The following SLIT3 variants were observed in gnomAD, a reference collection of about 807,000 sequenced individuals.
The protein encoded by SLIT3 is slit homolog 3 protein.
Under a neutral mutation model 184.0 loss-of-function variants are expected in SLIT3, and 68 were observed. The observed-to-expected ratio is 0.37, with a 90% confidence interval of 0.30 to 0.45. SLIT3 has a LOEUF of 0.45. SLIT3 is among the 20% of genes least tolerant of loss of function. The probability of loss-of-function intolerance (pLI) is 1.00; values close to 1 mark genes in which losing one functional copy is unlikely to be tolerated. For missense variants in SLIT3, 1,707 were observed against 2,026.0 expected (o/e 0.84, Z 3.02); for synonymous variants, 831 against 828.6 (o/e 1.00, Z -0.05).
intron 5 of SLIT3, among the ~76,000 whole-genome samples, chr5:168,882,948 C>T (rs1321883196): frequency 3.3e-5 from 5 of 152,192 alleles, no homozygotes; most frequent in African/African-American, 4.8e-5. Context: ...CACAAGGTTA[C>T]CATCCCCATT....
At chr5:168,817,584 G>T in intron 7 of SLIT3, 121 bp from the exon 8 acceptor site, 2 of 885,012 alleles carry the variant, frequency 2.3e-6, no homozygotes, top group Non-Finnish European at 1.7e-6. Flanking sequence ...ATCCCTAGGA[G>T]CCCAGGGAAG....
At chr5:168,990,452 CT>C (rs1755280715) in intron 4 of SLIT3, among the ~76,000 whole-genome samples, 1 of 152,216 alleles carries the variant, frequency 6.6e-6, no homozygotes, top group Non-Finnish European at 1.5e-5. Context: ...TCACCTCTCA[CT>C]CTACCTTTCA....
Position 168,777,960 on chromosome 5 carries a change from G to A in SLIT3, c.1152-3582C>T, listed in dbSNP as rs1423363410. 2.6e-5 allele frequency among the ~76,000 whole-genome samples: 4 copies of A among 152,182 alleles called. No homozygotes were observed. The East Asian group carries it at 7.7e-4, about 29-fold the overall frequency. ...AATTTTAAAAGCACCATATTATGGA[G>A]CAAATAGAGAGTAAACAAACATTTG... On this transcript the variant is annotated intron_variant, in intron 12 of 35. Coordinates refer to ENST00000519560, the MANE Select transcript of SLIT3 (RefSeq NM_003062.4).
chr5:169,033,753 A>G (rs1400195702), intron 4 of SLIT3, among the ~76,000 whole-genome samples: 1 of 149,410 alleles, frequency 6.7e-6, no homozygotes. Context: ...AGAAATGCCT[A>G]TTCAGGTCTT....
At chr5:168,964,235 G>A (rs1441806131) in intron 4 of SLIT3, among the ~76,000 whole-genome samples, 1 of 152,320 alleles carries the variant, frequency 6.6e-6, no homozygotes, top group East Asian at 1.9e-4. Flanking sequence ...CCAGTCATGG[G>A]AAAATATTAG....
At chr5:169,215,096 G>A (rs1399851658) in intron 3 of SLIT3, among the ~76,000 whole-genome samples, 1 of 152,076 alleles carries the variant, frequency 6.6e-6, no homozygotes, top group Non-Finnish European at 1.5e-5. Context: ...TTTCCTGCTG[G>A]AAATCCTTCA....
At position 169,300,669 on chromosome 5, in the gene SLIT3, G is replaced by C; in HGVS notation, c.41C>G (p.Ala14Gly). 2 of 1,411,394 alleles carry C rather than the reference G, an allele frequency of 1.4e-6. No homozygotes were observed. Among genetic ancestry groups the C allele is most frequent in the Non-Finnish European group, 1.8e-6 (2 of 1,091,172 alleles). 87.4% of individuals were successfully genotyped at this position (1,411,394 alleles called of 1,614,324 possible). A position where few individuals can be genotyped will look rare whatever the true frequency, so the allele number is the denominator to read the frequency against. The change falls in exon 1 of 36, where the codon GCC becomes GGC. Residue 14 changes from alanine (A) to glycine (G), a missense_variant. Around this residue, in one of 3 missense-constraint regions of SLIT3, gnomAD observed 1,307 missense variants for 1,511.6 expected, o/e 0.86. Coordinates refer to ENST00000519560, the MANE Select transcript of SLIT3 (RefSeq NM_003062.4). The surrounding 1 kb of genome is among the most constrained non-coding windows in gnomAD (Gnocchi z 4.1). ...CAGCGCCAAGGCCAGCGCCAGGCGG[G>C]CGCGCACGGCGGCGCCGACCCCTGC... Reference protein sequence around the residue: ...GWAGVGAAVRARLALALALAS... With the variant: ...GWAGVGAAVRGRLALALALAS...
intron 4 of SLIT3, among the ~76,000 whole-genome samples, chr5:168,969,149 G>A (rs914540325): frequency 2.0e-5 from 3 of 152,146 alleles, no homozygotes; most frequent in African/African-American, 4.8e-5. Flanking sequence ...ACAAAGTCAC[G>A]TGAGGAGTAA....
At chr5:168,795,126 G>C (rs977210988) in intron 10 of SLIT3, among the ~76,000 whole-genome samples, 8 of 152,134 alleles carry the variant, frequency 5.3e-5, no homozygotes, top group Non-Finnish European at 8.8e-5. Context: ...TGGTGACAGT[G>C]GTGTAGACAG....
chr5:168,975,893 C>T (rs1171925912), intron 4 of SLIT3, among the ~76,000 whole-genome samples: 1 of 152,188 alleles, frequency 6.6e-6, no homozygotes, highest in East Asian at 1.9e-4. Flanking sequence ...CCACCCATCT[C>T]CTGCAAGAGG....
At chr5:168,785,367 G>A (rs187196351) in intron 12 of SLIT3, among the ~76,000 whole-genome samples, 332 of 152,230 alleles carry the variant, frequency 2.2e-3, no homozygotes, top group African/African-American at 7.6e-3. Context: ...CTTAAAATTC[G>A]AAGCAACAAC....
intron 14 of SLIT3, among the ~76,000 whole-genome samples, chr5:168,766,716 C>T (rs1289821970): frequency 1.3e-5 from 2 of 152,310 alleles, no homozygotes; most frequent in South Asian, 2.1e-4. Context: ...GGGGCAGTGC[C>T]GAGGGCCTCA....
Position 168,760,878 on chromosome 5 carries a change from G to C in SLIT3, c.1669C>G (p.Pro557Ala). 1 of 1,613,490 alleles carries C rather than the reference G, an allele frequency of 6.2e-7. No individual in the cohort carries two copies. The highest frequency in any genetic ancestry group is 8.5e-7 in the Non-Finnish European group (1 of 1,179,458). ...TTGACTTACATTTTCCGCAGGTTGG[G>C]CAACTTCTTGAAGATGCCAGTGGCC... ...LEATGIFKKLPNLRKINLSNN... is the reference protein window; with the variant it reads ...LEATGIFKKLANLRKINLSNN... Residue 557 changes from proline (P) to alanine (A), a missense_variant, in exon 16 of 36, where the codon CCC (proline) becomes GCC (alanine). Around this residue, in one of 3 missense-constraint regions of SLIT3, gnomAD observed 1,307 missense variants for 1,511.6 expected, o/e 0.86. Transcript: ENST00000519560.
intron 4 of SLIT3, among the ~76,000 whole-genome samples, chr5:169,121,202 A>C (rs1040553261): frequency 1.3e-5 from 2 of 152,204 alleles, no homozygotes; most frequent in African/African-American, 4.8e-5. Flanking sequence ...TGTGGCCCAG[A>C]GCCTCACCTC....
chr5:169,271,130 G>A (rs56317696), intron 1 of SLIT3, among the ~76,000 whole-genome samples: 44,786 of 152,088 alleles, frequency 0.29, 7,628 homozygotes, highest in Non-Finnish European at 0.4. Context: ...CTGACTGTAG[G>A]TGATATGACA....
At chr5:168,871,809 T>C (rs1465309491) in intron 5 of SLIT3, among the ~76,000 whole-genome samples, 1 of 152,138 alleles carries the variant, frequency 6.6e-6, no homozygotes, top group African/African-American at 2.4e-5. Flanking sequence ...CCACTTAACA[T>C]ATGGGTTAAC....
chr5:168,854,543 G>A (rs1222954565), intron 5 of SLIT3, among the ~76,000 whole-genome samples: 2 of 152,240 alleles, frequency 1.3e-5, no homozygotes, highest in Admixed American at 6.5e-5. Context: ...AGATCACCTA[G>A]TAGGATCCAA....
chr5:169,051,634 A>T (rs1757817756), intron 4 of SLIT3, among the ~76,000 whole-genome samples: 1 of 152,136 alleles, frequency 6.6e-6, no homozygotes, highest in African/African-American at 2.4e-5. Flanking sequence ...TCTGATTTAA[A>T]CTCACTGATC....
chr5:169,030,808 G>T (rs894401223), intron 4 of SLIT3, among the ~76,000 whole-genome samples: 1 of 152,200 alleles, frequency 6.6e-6, no homozygotes, highest in East Asian at 1.9e-4. Flanking sequence ...GAAAACTGAA[G>T]TTTGGCCAAT....
Sources: gnomAD v4.1 joint callset for allele counts (sites outside exome capture counted in the v4.1 genomes callset) on GRCh38, gnomAD v4.1.1 for gene constraint, gnomAD v4.1.1 regional missense constraint, Gnocchi (gnomAD v3.1) non-coding constraint, MANE v1.5 for transcripts, NCBI Gene and HGNC (gene_info 2026-07-23, HGNC 2026-07-21) for gene names.